The following NPAS3 variants were observed in gnomAD, a reference collection of about 807,000 sequenced individuals.
NPAS3 encodes the protein neuronal PAS domain protein 3.
Under a neutral mutation model 73.1 loss-of-function variants are expected in NPAS3, and 14 were observed. That is an observed-to-expected ratio of 0.19 (90% CI 0.13 to 0.30). The LOEUF (loss-of-function observed/expected upper bound fraction) is 0.30. Among genes scored for constraint, NPAS3 ranks in the 10% least tolerant of loss-of-function variants. The pLI, the probability that NPAS3 is intolerant of heterozygous loss-of-function variation, is 1.00. For missense variants in NPAS3, 1,096 were observed against 1,250.0 expected, an observed-to-expected ratio of 0.88 and a Z score of 1.86; for synonymous variants, 620 against 541.5, an observed-to-expected ratio of 1.14 and a Z score of -2.01.
intron 2 of NPAS3, among the ~76,000 whole-genome samples, chr14:33,083,631 A>T (rs942726767): frequency 6.6e-6 from 1 of 152,190 alleles, no homozygotes; most frequent in African/African-American, 2.4e-5. Context: ...TTAAAATCTT[A>T]GGACTTTTTA....
At chr14:32,951,631 G>T (rs2036487479) in intron 1 of NPAS3, among the ~76,000 whole-genome samples, 1 of 152,028 alleles carries the variant, frequency 6.6e-6, no homozygotes, top group African/African-American at 2.4e-5. Context: ...GACAGTAGAA[G>T]AACTCTGGAA....
intron 4 of NPAS3, among the ~76,000 whole-genome samples, chr14:33,404,029 T>C (rs1163518328): frequency 1.3e-5 from 2 of 152,158 alleles, no homozygotes; most frequent in Non-Finnish European, 2.9e-5. Context: ...GCAGTAATCG[T>C]GATGCACAGC....
intron 7 of NPAS3, among the ~76,000 whole-genome samples, chr14:33,751,372 A>G (rs2061957004): frequency 6.6e-6 from 1 of 152,222 alleles, no homozygotes; most frequent in Non-Finnish European, 1.5e-5. Flanking sequence ...ACATGAGTGC[A>G]GGGACTTTTT....
At chr14:33,020,509 A>C (rs149842284) in intron 1 of NPAS3, among the ~76,000 whole-genome samples, 1 of 152,178 alleles carries the variant, frequency 6.6e-6, no homozygotes, top group Non-Finnish European at 1.5e-5. Flanking sequence ...CATTTTAAGC[A>C]CTCGATAAAT....
At chr14:33,302,288 A>T (rs1418541118) in intron 3 of NPAS3, among the ~76,000 whole-genome samples, 1 of 152,204 alleles carries the variant, frequency 6.6e-6, no homozygotes, top group African/African-American at 2.4e-5. Context: ...CACTGAAGCA[A>T]ATAGAAATCT....
intron 3 of NPAS3, among the ~76,000 whole-genome samples, chr14:33,327,214 A>G (rs1265560383): frequency 6.6e-6 from 1 of 152,194 alleles, no homozygotes; most frequent in Admixed American, 6.5e-5. Flanking sequence ...TCCTCATTCA[A>G]TGTTAGATAT....
At chr14:33,733,558 G>A (rs2061451076) in intron 6 of NPAS3, among the ~76,000 whole-genome samples, 1 of 152,070 alleles carries the variant, frequency 6.6e-6, no homozygotes, top group African/African-American at 2.4e-5. Flanking sequence ...TGGATTAGAG[G>A]GGCAAATTAA....
rs71406561 is a variant in NPAS3, at chr14:33,544,788, T to TTATATA, written c.469-15315_469-15310dup. Reference sequence around the variant, plus strand: ...GCATGTATGTGTTTATGTGTGTGTATTATATATATATATATATATATATGT... The same window carrying TTATATA: ...GCATGTATGTGTTTATGTGTGTGTATTATATATATATATATATATATATATATATGT... On this transcript the variant is annotated intron_variant, in intron 4 of 11. Transcript: ENST00000356141. Among the ~76,000 whole-genome samples, 38 of 63,264 alleles carry TTATATA rather than the reference T, an allele frequency of 6.0e-4. 3 individuals carry two copies. The highest frequency in any genetic ancestry group is 2.4e-3 in the African/African-American group (28 of 11,584). 41.5% of individuals were successfully genotyped at this position (63,264 alleles called of 152,430 possible).
intron 1 of NPAS3, among the ~76,000 whole-genome samples, chr14:33,003,245 T>A (rs535560343): frequency 6.6e-6 from 1 of 152,174 alleles, no homozygotes; most frequent in South Asian, 2.1e-4. Context: ...AAACTAATGG[T>A]TAACACTAAC....
chr14:33,651,341 T>A (rs2058988246), intron 5 of NPAS3, among the ~76,000 whole-genome samples: 1 of 152,186 alleles, frequency 6.6e-6, no homozygotes, highest in African/African-American at 2.4e-5. Context: ...AGGACATCAC[T>A]GTTCATAGGC....
chr14:33,334,724 G>A (rs61972734), intron 3 of NPAS3, among the ~76,000 whole-genome samples: 18,416 of 151,946 alleles, frequency 0.12, 1,196 homozygotes, highest in Non-Finnish European at 0.14. Flanking sequence ...TAGAATTTTG[G>A]GGAACCAGTT....
At chr14:33,256,950 CAA>C in intron 3 of NPAS3, among the ~76,000 whole-genome samples, 1 of 152,270 alleles carries the variant, frequency 6.6e-6, no homozygotes, top group East Asian at 1.9e-4. Flanking sequence ...GGCAAGGTGA[CAA>C]AGAGGTCTGG....
At chr14:33,120,086 G>A (rs529687054) in intron 2 of NPAS3, among the ~76,000 whole-genome samples, 5 of 151,792 alleles carry the variant, frequency 3.3e-5, no homozygotes, top group East Asian at 3.9e-4. Context: ...TCAGCCTCCC[G>A]ACTAGCTGGG....
intron 7 of NPAS3, among the ~76,000 whole-genome samples, chr14:33,749,026 G>C (rs533727101): frequency 6.6e-6 from 1 of 152,238 alleles, no homozygotes; most frequent in East Asian, 1.9e-4. Context: ...AAAGAGGTCT[G>C]GGAAGGATTT....
At chr14:33,120,284 G>A (rs2043192292) in intron 2 of NPAS3, among the ~76,000 whole-genome samples, 1 of 152,056 alleles carries the variant, frequency 6.6e-6, no homozygotes, top group African/African-American at 2.4e-5. Flanking sequence ...TATCAGAAAT[G>A]GCCACATAAA....
At chr14:33,782,204 A>G (rs1388131797) in intron 9 of NPAS3, among the ~76,000 whole-genome samples, 3 of 152,202 alleles carry the variant, frequency 2.0e-5, no homozygotes, top group Non-Finnish European at 2.9e-5. Context: ...AACCATTCAC[A>G]TTAGTAATTA....
chr14:33,672,755 ATTAGACAG>A (rs2059647929), intron 5 of NPAS3, among the ~76,000 whole-genome samples: 1 of 152,048 alleles, frequency 6.6e-6, no homozygotes, highest in African/African-American at 2.4e-5. Context: ...TGGACTGAGA[ATTAGACAG>A]TTGGGCTTAC....
intron 9 of NPAS3, among the ~76,000 whole-genome samples, chr14:33,790,143 T>C (rs2063314883): frequency 6.6e-6 from 1 of 152,238 alleles, no homozygotes. Flanking sequence ...GTAGACATGG[T>C]TATGACTTTA....
upstream of NPAS3, chr14:32,934,921 G>C (rs1357490308): frequency 9.5e-7 from 1 of 1,053,712 alleles, no homozygotes; most frequent in African/African-American, 1.7e-5. This position sits in a 1 kb window ranked among gnomAD's most constrained non-coding sequence, Gnocchi z 4.1. Flanking sequence ...GGGGGTGCCG[G>C]CCGGCGCGGG....
Sources: allele counts gnomAD v4.1 joint callset (sites outside exome capture counted in the v4.1 genomes callset), GRCh38; gene constraint gnomAD v4.1.1; non-coding constraint Gnocchi (gnomAD v3.1); transcripts MANE v1.5; gene names NCBI Gene and HGNC (gene_info 2026-07-23, HGNC 2026-07-21).